BAX: variants seen among roughly 807,000 people sequenced by gnomAD.
BAX encodes apoptosis regulator BAX.
Under a neutral mutation model 26.8 loss-of-function variants are expected in BAX, and 21 were observed. That is an observed-to-expected ratio of 0.78 (90% CI 0.56 to 1.13). The LOEUF (loss-of-function observed/expected upper bound fraction) is 1.13. Among genes scored for constraint, BAX ranks in the 50% most tolerant of loss-of-function variants. The pLI is 0.00. For synonymous variants in BAX, 110 were observed against 101.8 expected (o/e 1.08, Z -0.49); for missense variants, 236 against 254.6 (o/e 0.93, Z 0.50).
chr19:48,955,918 T>G, intron 3 of BAX, 85 bp downstream of exon 3: 2 of 1,453,904 alleles, frequency 1.4e-6, no homozygotes, highest in South Asian at 1.4e-5. Context: ...CCTCCTCCCC[T>G]AAGAACTAGG....
intron 4 of BAX, chr19:48,960,449 C>T (rs889142831): frequency 2.8e-5 from 9 of 324,872 alleles, no homozygotes; most frequent in East Asian, 2.6e-4. Context: ...CTGCAACCTC[C>T]GCCTCCCGGG....
At chr19:48,959,349 C>CAA (rs71179067) in intron 4 of BAX, among the ~76,000 whole-genome samples, 51 of 73,006 alleles carry the variant, frequency 7.0e-4, no homozygotes, top group Middle Eastern at 0.01. Context: ...GACTCCGTCT[C>CAA]AAAAAAAAAA....
intron 5 of BAX, 49 bp downstream of exon 5, chr19:48,960,963 G>A (rs751438320): frequency 2.1e-5 from 34 of 1,592,764 alleles, no homozygotes; most frequent in South Asian, 7.7e-5. Flanking sequence ...CCTCACCACC[G>A]CCCCTGCCCC....
chr19:48,959,367 AAAAAG>A (rs2038262733), intron 4 of BAX, among the ~76,000 whole-genome samples: 2 of 150,786 alleles, frequency 1.3e-5, no homozygotes, highest in African/African-American at 4.9e-5. Flanking sequence ...AAAAAAAAAA[AAAAAG>A]AAAAGTCCTC....
rs752200085 is a variant in BAX at position 48,960,761 on chromosome 19, G to C, written c.370-49G>C. On this transcript the variant is annotated intron_variant, in intron 4 of 5. Transcript: ENST00000345358. Reference sequence around the variant, plus strand: ...AGGAGGTTTGGGGCCACTATCTCCAGGCAGTGGGGACAAGGTTCAGTCCCT... The same window carrying C: ...AGGAGGTTTGGGGCCACTATCTCCACGCAGTGGGGACAAGGTTCAGTCCCT... The C allele has an allele frequency of 5.7e-5, 84 of 1,477,250 alleles. No individual in the cohort carries two copies. In the South Asian group the frequency reaches 9.4e-4, roughly 17 times the overall value. The allele number at this position is 1,477,250 out of a possible 1,614,324, so 91.5% of individuals were successfully genotyped here.
At position 48,956,308 on chromosome 19, in the gene BAX, A is replaced by G; in HGVS notation, c.344A>G (p.Tyr115Cys). 1 of 1,578,492 alleles carries G rather than the reference A, an allele frequency of 6.3e-7. No individual in the cohort carries two copies. The highest frequency in any genetic ancestry group is 8.6e-7 in the Non-Finnish European group (1 of 1,163,660). Residue 115 changes from tyrosine to cysteine, a missense_variant, in exon 4 of 6, where the codon TAC becomes TGC. Transcript: ENST00000345358. ...FNWGRVVALF[Y>C]FASKLVLKAL... is the part of the protein sequence containing the mutation. ...TGGGGCCGGGTTGTCGCCCTTTTCTACTTTGCCAGCAAACTGGTGCTCAAG... is the reference window on the plus strand; with the variant it reads ...TGGGGCCGGGTTGTCGCCCTTTTCTGCTTTGCCAGCAAACTGGTGCTCAAG...
In BAX at chr19:48,959,690, G is replaced by A. The variant is rs1411753156; in HGVS notation, c.370-1120G>A. ...AAAAAAAAAAAAATAGCCCGGTGTG[G>A]TGGCGGATGCCTGTAATACCAGCTG... On this transcript the variant is annotated intron_variant, in intron 4 of 5. Coordinates refer to ENST00000345358, the MANE Select transcript of BAX (RefSeq NM_138761.4). 3.3e-5 allele frequency among the ~76,000 whole-genome samples: 5 copies of A among 151,188 alleles called. No homozygotes were observed. In the East Asian group the frequency reaches 9.7e-4, roughly 29 times the overall value.
chr19:48,959,224 C>A (rs1340813570), intron 4 of BAX, among the ~76,000 whole-genome samples: 1 of 151,558 alleles, frequency 6.6e-6, no homozygotes, highest in Non-Finnish European at 1.5e-5. Flanking sequence ...GTGGTGGGCA[C>A]TTGTAGTCCC....
In BAX at chr19:48,956,224, C is replaced by T. The variant is rs765725612; in HGVS notation, c.260C>T (p.Ser87Phe). The change falls in exon 4 of 6, where the codon TCC (serine) becomes TTC (phenylalanine). Residue 87 changes from serine to phenylalanine, a missense_variant. Coordinates refer to ENST00000345358, the MANE Select transcript of BAX (RefSeq NM_138761.4). ...QRMIAAVDTD[S>F]PREVFFRVAA... ...ATGATTGCCGCCGTGGACACAGACTCCCCCCGAGAGGTCTTTTTCCGAGTG... is the reference window on the plus strand; with the variant it reads ...ATGATTGCCGCCGTGGACACAGACTTCCCCCGAGAGGTCTTTTTCCGAGTG... 1.9e-6 allele frequency: 3 copies of T among 1,575,904 alleles called. No individual in the cohort carries two copies. Among genetic ancestry groups the T allele is most frequent in the Non-Finnish European group, 2.6e-6 (3 of 1,161,328 alleles).
In BAX at chr19:48,961,719, C is replaced by A; in HGVS notation, c.*83C>A. ...AGGGGTGGGGATTGGGGGACGTGGGCATTTTTCTTACTTTTGTAATTATTG... is the reference window on the plus strand; with the variant it reads ...AGGGGTGGGGATTGGGGGACGTGGGAATTTTTCTTACTTTTGTAATTATTG... On this transcript the variant is annotated 3_prime_UTR_variant, in exon 6 of 6. Transcript: ENST00000345358. The A allele has an allele frequency of 3.5e-5, 34 of 983,902 alleles. No homozygotes were observed. Among genetic ancestry groups the A allele is most frequent in the Non-Finnish European group, 4.4e-5 (29 of 665,630 alleles). The allele number at this position is 983,902 out of a possible 1,614,324, so 60.9% of individuals were successfully genotyped here. A position where few individuals can be genotyped will look rare whatever the true frequency, so the allele number is the denominator to read the frequency against.
At chr19:48,957,960 G>A (rs1274374879) in intron 4 of BAX, among the ~76,000 whole-genome samples, 1 of 152,086 alleles carries the variant, frequency 6.6e-6, no homozygotes, top group Non-Finnish European at 1.5e-5. Flanking sequence ...GTGGTGAAAT[G>A]CTCCTGGCTG....
At chr19:48,956,696 C>T (rs1392167868) in intron 4 of BAX, among the ~76,000 whole-genome samples, 3 of 144,916 alleles carry the variant, frequency 2.1e-5, no homozygotes, top group African/African-American at 7.7e-5. Context: ...GCTCTTGTTG[C>T]CCAGGCTTGA....
rs1485160063 is a variant in BAX at position 48,960,904 on chromosome 19, A to AG, written c.467dup (p.Gly157TrpfsTer50). 1 of 1,614,044 alleles carries AG rather than the reference A, an allele frequency of 6.2e-7. No individual in the cohort carries two copies. Among genetic ancestry groups the AG allele is most frequent in the South Asian group, 1.1e-5 (1 of 91,084 alleles). ...CGGCTGTTGGGCTGGATCCAAGACC[A>AG]GGGTGGTTGGGTGAGACTCCTCAAG... is the stretch of plus-strand genomic sequence containing the variant. On this transcript the variant is annotated frameshift_variant, in exon 5 of 6. Transcript: ENST00000345358. LOFTEE classifies it high-confidence loss of function.
At chr19:48,961,266 C>G in intron 5 of BAX, 4 of 1,424,596 alleles carry the variant, frequency 2.8e-6, no homozygotes, top group Non-Finnish European at 2.7e-6. Flanking sequence ...TTTTTTTTCC[C>G]CACTGAGAAG....
rs576804219 is a variant in BAX, at chr19:48,955,993, T to TA, written c.233+164dup. 1.1e-5 allele frequency: 13 copies of TA among 1,151,168 alleles called. No individual in the cohort carries two copies. The African/African-American group carries it at 1.6e-4, about 14-fold the overall frequency. 71.3% of individuals were successfully genotyped at this position (1,151,168 alleles called of 1,614,324 possible). On this transcript the variant is annotated intron_variant, in intron 3 of 5. Coordinates refer to ENST00000345358, the MANE Select transcript of BAX (RefSeq NM_138761.4). ...CCAGCCCTCCTCTCTGCCAGGATCTTAAAACCCTCCTTCAGGGAGTCATTT... is the reference window on the plus strand; with the variant it reads ...CCAGCCCTCCTCTCTGCCAGGATCTTAAAAACCCTCCTTCAGGGAGTCATTT...
Position 48,957,274 on chromosome 19 carries a change from T to TC in BAX, c.369+941_369+942insC, listed in dbSNP as rs2038177339. ...AAAGACTTTTTCTTTTCTTTTTTTT[T>TC]TTTTTTTTTTTTTTTTTTGAGACAG... On this transcript the variant is annotated intron_variant, in intron 4 of 5. Coordinates refer to ENST00000345358, the MANE Select transcript of BAX (RefSeq NM_138761.4). Among the ~76,000 whole-genome samples, 8 of 119,842 alleles carry TC rather than the reference T, an allele frequency of 6.7e-5. No homozygotes were observed. The South Asian group carries it at 2.0e-3, about 29-fold the overall frequency. The allele number at this position is 119,842 out of a possible 152,430, so 78.6% of individuals were successfully genotyped here. A position where few individuals can be genotyped will look rare whatever the true frequency, so the allele number is the denominator to read the frequency against.
chr19:48,958,118 T>C (rs576474648), intron 4 of BAX, among the ~76,000 whole-genome samples: 2 of 147,108 alleles, frequency 1.4e-5, no homozygotes, highest in South Asian at 4.3e-4. Flanking sequence ...AGAGGTAGGG[T>C]CTTGCTCTGT....
Position 48,956,194 on chromosome 19 carries a change from G to A in BAX, c.234-4G>A, listed in dbSNP as rs2038121941. 3.3e-6 allele frequency: 5 copies of A among 1,524,522 alleles called. No homozygotes were observed. Among genetic ancestry groups the A allele is most frequent in the Admixed American group, 2.2e-5 (1 of 45,592 alleles). 94.4% of individuals were successfully genotyped at this position (1,524,522 alleles called of 1,614,324 possible). On this transcript the variant is annotated splice_polypyrimidine_tract_variant and splice_region_variant and intron_variant, in intron 3 of 5. Coordinates refer to ENST00000345358, the MANE Select transcript of BAX (RefSeq NM_138761.4). ...CCCGGCACTGGTTCTCCTCTCTCCTGCAGGATGATTGCCGCCGTGGACACA... is the reference window on the plus strand; with the variant it reads ...CCCGGCACTGGTTCTCCTCTCTCCTACAGGATGATTGCCGCCGTGGACACA...
chr19:48,958,041 G>C (rs1242234051), intron 4 of BAX, among the ~76,000 whole-genome samples: 1 of 151,884 alleles, frequency 6.6e-6, no homozygotes, highest in Non-Finnish European at 1.5e-5. Flanking sequence ...ACCTGTCATA[G>C]TCTTGCTGAA....
Sources: allele counts gnomAD v4.1 joint callset (sites outside exome capture counted in the v4.1 genomes callset), GRCh38; gene constraint gnomAD v4.1.1; transcripts MANE v1.5; gene names NCBI Gene and HGNC (gene_info 2026-07-23, HGNC 2026-07-21).